Variants in TFB1M observed in about 807,000 individuals in gnomAD.
The protein encoded by TFB1M is transcription factor B1, mitochondrial, also known as dimethyladenosine transferase 1, mitochondrial.
TFB1M carries 27 observed loss-of-function variants against 31.1 expected under a neutral mutation model. That is an observed-to-expected ratio of 0.87 (90% CI 0.64 to 1.20). TFB1M has a LOEUF of 1.20. TFB1M is among the 50% of genes most tolerant of loss of function. TFB1M has a pLI of 0.00. For synonymous variants in TFB1M, 166 were observed against 151.8 expected (o/e 1.09, Z -0.69); for missense variants, 394 against 418.7 (o/e 0.94, Z 0.51).
intron 5 of TFB1M, among the ~76,000 whole-genome samples, chr6:155,283,340 A>G (rs1183406548): frequency 6.6e-6 from 1 of 152,220 alleles, no homozygotes; most frequent in Admixed American, 6.5e-5. Flanking sequence ...TCTGGATTAC[A>G]AATAAATCCC....
At chr6:155,310,029 C>T (rs1033727131) in intron 2 of TFB1M, among the ~76,000 whole-genome samples, 7 of 151,968 alleles carry the variant, frequency 4.6e-5, no homozygotes, top group African/African-American at 1.7e-4. Context: ...TAGGGAAAAA[C>T]TGCTAGGTTT....
intron 2 of TFB1M, among the ~76,000 whole-genome samples, chr6:155,302,601 AT>A (rs1777478887): frequency 6.6e-6 from 1 of 152,148 alleles, no homozygotes; most frequent in Non-Finnish European, 1.5e-5. Flanking sequence ...AGTATTTTAA[AT>A]TTATGAACAG....
chr6:155,249,673 C>A, the TFB1M span, among the ~76,000 whole-genome samples: 1 of 152,144 alleles, frequency 6.6e-6, no homozygotes. Context: ...TTTTGCTGTT[C>A]TTCATTCTAA....
At chr6:155,244,322 A>T in the TFB1M span, among the ~76,000 whole-genome samples, 2 of 152,184 alleles carry the variant, frequency 1.3e-5, no homozygotes, top group Non-Finnish European at 2.9e-5. Context: ...GGTAGAAGAG[A>T]GTGTGATCAG....
the TFB1M span, among the ~76,000 whole-genome samples, chr6:155,247,608 G>A: frequency 2.6e-5 from 4 of 152,244 alleles, no homozygotes; most frequent in Admixed American, 6.5e-5. Flanking sequence ...GATTACGGGC[G>A]TGAGCCACCG....
intron 5 of TFB1M, among the ~76,000 whole-genome samples, chr6:155,282,814 G>A (rs1776434440): frequency 6.6e-6 from 1 of 151,202 alleles, no homozygotes; most frequent in Admixed American, 6.6e-5. Context: ...TGCAAGCTCC[G>A]CCTCCCGGGT....
the TFB1M span, among the ~76,000 whole-genome samples, chr6:155,239,611 G>T: frequency 2.0e-5 from 3 of 152,242 alleles, no homozygotes; most frequent in African/African-American, 7.2e-5. Context: ...TGGTGCTTCT[G>T]TCTGAATAGG....
intron 5 of TFB1M, among the ~76,000 whole-genome samples, chr6:155,283,497 G>A (rs1339758501): frequency 6.6e-6 from 1 of 152,136 alleles, no homozygotes; most frequent in Non-Finnish European, 1.5e-5. Flanking sequence ...TTTTCTTGTG[G>A]CCTTAATCCC....
the TFB1M span, among the ~76,000 whole-genome samples, chr6:155,231,873 G>A: frequency 6.6e-6 from 1 of 152,216 alleles, no homozygotes; most frequent in African/African-American, 2.4e-5. Context: ...TCAGGAGTTT[G>A]AGATCAGCCT....
At chr6:155,271,169 C>A (rs1413038383) in intron 5 of TFB1M, among the ~76,000 whole-genome samples, 1 of 152,118 alleles carries the variant, frequency 6.6e-6, no homozygotes, top group Admixed American at 6.5e-5. Flanking sequence ...TGGTTATTAA[C>A]AGTTGTTAAA....
chr6:155,311,396 A>T (rs1324645105), intron 1 of TFB1M, 57 bp from the exon 2 acceptor site: 1 of 1,455,786 alleles, frequency 6.9e-7, no homozygotes, highest in Non-Finnish European at 9.6e-7. Context: ...CAACGTATGA[A>T]ATTTAGAGAG....
At chr6:155,281,509 G>C (rs1484474255) in intron 5 of TFB1M, among the ~76,000 whole-genome samples, 1 of 152,102 alleles carries the variant, frequency 6.6e-6, no homozygotes, top group East Asian at 1.9e-4. Flanking sequence ...ATCACCTGAG[G>C]CCAGGAGTTC....
chr6:155,231,537 C>T, the TFB1M span, among the ~76,000 whole-genome samples: 22 of 152,252 alleles, frequency 1.4e-4, no homozygotes, highest in East Asian at 1.9e-3. Flanking sequence ...AAGGGGCTGA[C>T]GTGCTGCCCT....
intron 5 of TFB1M, among the ~76,000 whole-genome samples, chr6:155,265,710 TATATTTATATATA>T (rs1246511507): frequency 2.7e-5 from 4 of 146,004 alleles, no homozygotes; most frequent in Non-Finnish European, 6.0e-5. Flanking sequence ...AAATATTAAA[TATATTTATATATA>T]ATATAAATAT....
chr6:155,295,790 T>C (rs1777142666), intron 4 of TFB1M, among the ~76,000 whole-genome samples: 1 of 152,226 alleles, frequency 6.6e-6, no homozygotes, highest in East Asian at 1.9e-4. Context: ...CCTCAAATAA[T>C]ACAGTGTAAC....
intron 4 of TFB1M, among the ~76,000 whole-genome samples, chr6:155,290,113 G>A (rs1209038909): frequency 1.3e-5 from 2 of 152,168 alleles, no homozygotes; most frequent in African/African-American, 2.4e-5. Context: ...GGGGCTGGGC[G>A]TGGTGGCTCA....
chr6:155,253,073 T>C (rs2274824), downstream of TFB1M: 1,154,854 of 1,600,264 alleles, frequency 0.72, 424,908 homozygotes, highest in Non-Finnish European at 0.76. Context: ...TCGTGCAGTA[T>C]GATGCCAGAA....
rs1430271180 is a variant in TFB1M, at chr6:155,256,163, C to CCAAT, written c.*1669_*1672dup. 1.4e-5 allele frequency: 7 copies of CCAAT among 507,132 alleles called. No homozygotes were observed. Among genetic ancestry groups the CCAAT allele is most frequent in the African/African-American group, 9.9e-5 (5 of 50,328 alleles). The allele number at this position is 507,132 out of a possible 1,614,324, so 31.4% of individuals were successfully genotyped here. A position where few individuals can be genotyped will look rare whatever the true frequency, so the allele number is the denominator to read the frequency against. On this transcript the variant is annotated 3_prime_UTR_variant, in exon 7 of 7. Coordinates refer to ENST00000367166, the MANE Select transcript of TFB1M (RefSeq NM_016020.4). ...AGAAAGGAGCCTAGATTTATTATTA[C>CCAAT]CAATTAACTTTTCAACTTACTCCTT... is the stretch of plus-strand genomic sequence containing the variant.
chr6:155,244,213 C>A, the TFB1M span: 1 of 823,694 alleles, frequency 1.2e-6, no homozygotes. Context: ...TCTGAGAGTC[C>A]CAGGCATAGC....
Sources: gnomAD v4.1 joint callset for allele counts (sites outside exome capture counted in the v4.1 genomes callset) on GRCh38, gnomAD v4.1.1 for gene constraint, MANE v1.5 for transcripts, NCBI Gene and HGNC (gene_info 2026-07-23, HGNC 2026-07-21) for gene names.